TOP6BL: variants seen among roughly 807,000 people sequenced by gnomAD.
The protein encoded by TOP6BL is TOP6B like initiator of meiotic double strand breaks, also known as type 2 DNA topoisomerase 6 subunit B-like.
At chr11:66,762,103 C>T in the TOP6BL span, 5 of 1,077,466 alleles carry the variant, frequency 4.6e-6, no homozygotes, top group Admixed American at 6.8e-5. Flanking sequence ...CTCCAGACAT[C>T]TTAGGAAGGG....
the TOP6BL span, among the ~76,000 whole-genome samples, chr11:66,784,015 G>T: frequency 5.9e-5 from 9 of 151,310 alleles, no homozygotes; most frequent in Non-Finnish European, 7.4e-5. Flanking sequence ...TGTTTTTTTT[G>T]GTTTTTGTTT....
chr11:66,832,120 C>T, the TOP6BL span, among the ~76,000 whole-genome samples: 5 of 147,142 alleles, frequency 3.4e-5, no homozygotes, highest in African/African-American at 1.0e-4. Flanking sequence ...TTTTTTGAGA[C>T]GGAGTCTCAC....
the TOP6BL span, among the ~76,000 whole-genome samples, chr11:66,769,784 A>C: frequency 4.0e-5 from 6 of 151,730 alleles, no homozygotes; most frequent in Non-Finnish European, 7.4e-5. Context: ...TCTGTCGCCC[A>C]GGCTGGAGTG....
the TOP6BL span, among the ~76,000 whole-genome samples, chr11:66,759,617 T>G: frequency 6.6e-6 from 1 of 152,200 alleles, no homozygotes; most frequent in Admixed American, 6.5e-5. Context: ...GGAGTCTCAC[T>G]CTGTCACCCA....
chr11:66,840,286 C>G, the TOP6BL span, among the ~76,000 whole-genome samples: 1 of 152,182 alleles, frequency 6.6e-6, no homozygotes, highest in African/African-American at 2.4e-5. Flanking sequence ...AAAAATCTAC[C>G]CAGTCTCTGC....
chr11:66,804,307 A>G, the TOP6BL span: 2 of 932,848 alleles, frequency 2.1e-6, no homozygotes, highest in Non-Finnish European at 3.1e-6. Flanking sequence ...TGATTTGTAT[A>G]AAAACATATA....
chr11:66,820,164 C>T, the TOP6BL span, among the ~76,000 whole-genome samples: 4 of 152,314 alleles, frequency 2.6e-5, no homozygotes, highest in Non-Finnish European at 5.9e-5. Context: ...GAAAAGATTT[C>T]ATCACCACTA....
At chr11:66,788,841 C>T in the TOP6BL span, among the ~76,000 whole-genome samples, 1 of 152,176 alleles carries the variant, frequency 6.6e-6, no homozygotes, top group East Asian at 1.9e-4. Flanking sequence ...GACTTGAACT[C>T]CTGAGCTTAA....
the TOP6BL span, among the ~76,000 whole-genome samples, chr11:66,779,228 C>T: frequency 6.6e-6 from 1 of 152,076 alleles, no homozygotes; most frequent in East Asian, 1.9e-4. Context: ...GAACAGGCAA[C>T]CTACAGAATG....
chr11:66,788,330 A>G, the TOP6BL span: 1 of 1,254,648 alleles, frequency 8.0e-7, no homozygotes, highest in South Asian at 1.3e-5. Flanking sequence ...TCTGCAATCT[A>G]ATAACAAGAA....
the TOP6BL span, among the ~76,000 whole-genome samples, chr11:66,806,492 ACACGGTGGCTCATGCCTGTAATCCCAG>A: frequency 6.6e-6 from 1 of 152,168 alleles, no homozygotes; most frequent in African/African-American, 2.4e-5. Context: ...AACAGGCCGG[ACACGGTGGCTCATGCCTGTAATCCCAG>A]CACTTTGGGA....
At chr11:66,745,737 T>C in the TOP6BL span, among the ~76,000 whole-genome samples, 1 of 152,238 alleles carries the variant, frequency 6.6e-6, no homozygotes, top group Admixed American at 6.5e-5. Flanking sequence ...CGCTGACTCA[T>C]AGGCCAGTGT....
chr11:66,807,772 G>A, the TOP6BL span, among the ~76,000 whole-genome samples: 14 of 152,286 alleles, frequency 9.2e-5, no homozygotes, highest in South Asian at 4.1e-4. Context: ...CCAAATCAGT[G>A]CAGGACAAGA....
At chr11:66,782,336 C>T in the TOP6BL span, among the ~76,000 whole-genome samples, 1 of 152,200 alleles carries the variant, frequency 6.6e-6, no homozygotes, top group Non-Finnish European at 1.5e-5. Context: ...ATTCTCAACT[C>T]CATAGCACCT....
the TOP6BL span, among the ~76,000 whole-genome samples, chr11:66,772,484 C>G: frequency 6.6e-6 from 1 of 151,354 alleles, no homozygotes; most frequent in African/African-American, 2.4e-5. Context: ...AAATAAAAAT[C>G]TTGGCCGGGC....
the TOP6BL span, among the ~76,000 whole-genome samples, chr11:66,784,660 GTTCT>G: frequency 1.3e-5 from 2 of 152,148 alleles, no homozygotes; most frequent in Admixed American, 1.3e-4. Context: ...TAGTGTGTGG[GTTCT>G]TTAAGCATTA....
At chr11:66,744,831 C>CGGT in the TOP6BL span, 1 of 1,322,472 alleles carries the variant, frequency 7.6e-7, no homozygotes, top group Non-Finnish European at 9.7e-7. Flanking sequence ...GCGGCGGCGG[C>CGGT]GGCGGCGGCG....
At chr11:66,842,909 T>TG in the TOP6BL span, 1 of 1,568,036 alleles carries the variant, frequency 6.4e-7, no homozygotes, top group Non-Finnish European at 8.6e-7. Flanking sequence ...ATAGAGGAGA[T>TG]GCGAGCTCTG....
the TOP6BL span, among the ~76,000 whole-genome samples, chr11:66,812,185 CT>C: frequency 1.4e-5 from 2 of 140,302 alleles, no homozygotes; most frequent in Non-Finnish European, 3.0e-5. Flanking sequence ...GAGTTTGCAT[CT>C]TTTTTTTTGA....
Sources: allele counts gnomAD v4.1 joint callset (sites outside exome capture counted in the v4.1 genomes callset), GRCh38; gene constraint gnomAD v4.1.1; transcripts MANE v1.5; gene names NCBI Gene and HGNC (gene_info 2026-07-23, HGNC 2026-07-21).